The following ADAMTS17 variants were observed in gnomAD, a reference collection of about 807,000 sequenced individuals.
ADAMTS17 encodes the protein A disintegrin and metalloproteinase with thrombospondin motifs 17.
A neutral mutation model predicts 141.5 loss-of-function variants in ADAMTS17; 113 were observed. The ratio of observed to expected loss-of-function variants is 0.80; its 90% confidence interval spans 0.69 to 0.93. The LOEUF (loss-of-function observed/expected upper bound fraction) is 0.93. Ranked by LOEUF, ADAMTS17 falls within the 40% of genes least tolerant of loss-of-function variation. The pLI, the probability that ADAMTS17 is intolerant of heterozygous loss-of-function variation, is 0.00. For synonymous variants in ADAMTS17, 768 were observed against 630.6 expected, an observed-to-expected ratio of 1.22 and a Z score of -3.27; for missense variants, 1,659 against 1,517.9, an observed-to-expected ratio of 1.09 and a Z score of -1.54.
Position 100,341,802 on chromosome 15 carries a change from C to CTG in ADAMTS17, c.79+17_79+18dup. On this transcript the variant is annotated intron_variant, in intron 1 of 21. Coordinates refer to ENST00000268070, the MANE Select transcript of ADAMTS17 (RefSeq NM_139057.4). ...GCCGCAGGACGCGGGGTGAAGAGGGCTGTGGGAGGGGGCGCTACCTGTGCC... is the reference window on the plus strand; with the variant it reads ...GCCGCAGGACGCGGGGTGAAGAGGGCTGTGTGGGAGGGGGCGCTACCTGTGCC... 6.5e-7 allele frequency: 1 copy of CTG among 1,549,646 alleles called. No individual in the cohort carries two copies. Among genetic ancestry groups the CTG allele is most frequent in the Non-Finnish European group, 8.7e-7 (1 of 1,146,416 alleles).
intron 18 of ADAMTS17, among the ~76,000 whole-genome samples, chr15:100,040,694 A>C (rs1046594568): frequency 4.0e-5 from 6 of 151,684 alleles, no homozygotes; most frequent in Admixed American, 2.0e-4. Context: ...AAAAAAAAAA[A>C]CCTCTGAAAA....
intron 15 of ADAMTS17, among the ~76,000 whole-genome samples, chr15:100,092,962 A>G (rs539423333): frequency 6.6e-6 from 1 of 152,332 alleles, no homozygotes; most frequent in East Asian, 1.9e-4. Flanking sequence ...TAATGAAATG[A>G]AAGCATCATA....
chr15:100,168,659 G>T (rs957710964), intron 8 of ADAMTS17: 7 of 152,218 alleles, frequency 4.6e-5, no homozygotes, highest in African/African-American at 1.7e-4. Context: ...CAGTTTTAGG[G>T]AAGTCTACAG....
At chr15:99,982,520 C>A (rs1465416409) in intron 20 of ADAMTS17, among the ~76,000 whole-genome samples, 1 of 152,190 alleles carries the variant, frequency 6.6e-6, no homozygotes, top group Non-Finnish European at 1.5e-5. Flanking sequence ...GGGTGAATTC[C>A]TTCTCTGTCG....
At chr15:100,176,145 C>A (rs1182524795) in intron 8 of ADAMTS17, among the ~76,000 whole-genome samples, 1 of 152,152 alleles carries the variant, frequency 6.6e-6, no homozygotes, top group Non-Finnish European at 1.5e-5. Context: ...AACCACTCTC[C>A]AATGGGAAAG....
chr15:100,072,451 C>G (rs992760693), intron 15 of ADAMTS17, among the ~76,000 whole-genome samples: 1 of 151,004 alleles, frequency 6.6e-6, no homozygotes, highest in African/African-American at 2.4e-5. Context: ...ATTGCCAAGT[C>G]AATCCTAAGC....
intron 7 of ADAMTS17, among the ~76,000 whole-genome samples, chr15:100,210,525 A>AT (rs2041766413): frequency 6.6e-6 from 1 of 152,180 alleles, no homozygotes. Flanking sequence ...ATTCAATCTC[A>AT]GGTCTTCAGG....
At chr15:100,151,430 G>A (rs539526302) in intron 10 of ADAMTS17, among the ~76,000 whole-genome samples, 1 of 152,302 alleles carries the variant, frequency 6.6e-6, no homozygotes, top group African/African-American at 2.4e-5. Context: ...TCTGTCTCCA[G>A]GAGTCTGGGC....
At chr15:100,310,009 A>T (rs961837795) in intron 3 of ADAMTS17, among the ~76,000 whole-genome samples, 1 of 152,234 alleles carries the variant, frequency 6.6e-6, no homozygotes, top group Non-Finnish European at 1.5e-5. Flanking sequence ...CGAGGGATGC[A>T]CAGATGCTCT....
chr15:100,169,165 C>T (rs976127929), intron 8 of ADAMTS17, among the ~76,000 whole-genome samples: 5 of 152,202 alleles, frequency 3.3e-5, no homozygotes, highest in Non-Finnish European at 7.3e-5. Context: ...TTCAGAGAAC[C>T]TGAACAGATA....
At chr15:100,258,829 A>G (rs1009028747) in intron 6 of ADAMTS17, among the ~76,000 whole-genome samples, 13 of 151,874 alleles carry the variant, frequency 8.6e-5, no homozygotes, top group African/African-American at 3.1e-4. Context: ...TGAAAAATGA[A>G]AAGAAAGTCT....
intron 3 of ADAMTS17, among the ~76,000 whole-genome samples, chr15:100,284,084 G>C (rs745771113): frequency 2.0e-5 from 3 of 151,606 alleles, no homozygotes; most frequent in African/African-American, 7.3e-5. Context: ...CAGCCTGGGC[G>C]ACAGAGCAAG....
rs542262919 is a variant in ADAMTS17 at position 100,107,228 on chromosome 15, T to C, written c.2016+1761A>G. Among the ~76,000 whole-genome samples the C allele has an allele frequency of 1.4e-4, 22 of 152,276 alleles. No homozygotes were observed. In the South Asian group the frequency reaches 4.4e-3, roughly 30 times the overall value. ...TCTGTTTGTCACGCACACTGAAATG[T>C]TGATGCCTATGCACTCTGCTAGGCA... On this transcript the variant is annotated intron_variant, in intron 14 of 21. Transcript: ENST00000268070.
intron 7 of ADAMTS17, among the ~76,000 whole-genome samples, chr15:100,238,766 T>C (rs1452527249): frequency 6.6e-6 from 1 of 152,106 alleles, no homozygotes; most frequent in East Asian, 1.9e-4. Flanking sequence ...ACAGGAATAA[T>C]GACGCCTCAC....
At position 100,281,288 on chromosome 15, in the gene ADAMTS17, TGTCGGC is replaced by T; in HGVS notation, c.724_729del (p.Ala242_Asp243del). On this transcript the variant is annotated inframe_deletion, in exon 4 of 22. Coordinates refer to ENST00000268070, the MANE Select transcript of ADAMTS17 (RefSeq NM_139057.4). ...GCCTCGGCCCCGTGGTACTGCACCA[TGTCGGC>T]GTCGGCCACCACCAGGGTCTCCACC... The T allele has an allele frequency of 6.2e-7, 1 of 1,608,842 alleles. No individual in the cohort carries two copies. Among genetic ancestry groups the T allele is most frequent in the Non-Finnish European group, 8.5e-7 (1 of 1,180,000 alleles).
intron 15 of ADAMTS17, among the ~76,000 whole-genome samples, chr15:100,096,038 T>G (rs989234317): frequency 6.6e-6 from 1 of 152,194 alleles, no homozygotes; most frequent in Non-Finnish European, 1.5e-5. Flanking sequence ...TCCCACCTTC[T>G]CTGCCTGTGC....
At chr15:100,222,082 C>G (rs2042151544) in intron 7 of ADAMTS17, among the ~76,000 whole-genome samples, 1 of 152,230 alleles carries the variant, frequency 6.6e-6, no homozygotes, top group South Asian at 2.1e-4. Context: ...TCATGGCAGT[C>G]TGATCTCACC....
chr15:100,119,036 C>T lies in ADAMTS17; in HGVS notation c.1722-2023G>A, dbSNP rs111325498. On this transcript the variant is annotated intron_variant, in intron 12 of 21. Coordinates refer to ENST00000268070, the MANE Select transcript of ADAMTS17 (RefSeq NM_139057.4). ...AAGTGTCCTTATGAAAAGGGGACAT[C>T]TGGAGATACACACACACACACACAC... is the stretch of plus-strand genomic sequence containing the variant. Among the ~76,000 whole-genome samples the T allele has an allele frequency of 3.7e-3, 429 of 114,756 alleles. 2 individuals are homozygous for T. Among genetic ancestry groups the T allele is most frequent in the African/African-American group, 0.011 (403 of 37,206 alleles). The allele number at this position is 114,756 out of a possible 152,430, so 75.3% of individuals were successfully genotyped here. A position where few individuals can be genotyped will look rare whatever the true frequency, so the allele number is the denominator to read the frequency against.
At chr15:100,309,309 T>C (rs1211162966) in intron 3 of ADAMTS17, among the ~76,000 whole-genome samples, 1 of 152,168 alleles carries the variant, frequency 6.6e-6, no homozygotes. Flanking sequence ...CAGTGAGCTG[T>C]GATTGTGCCA....
Sources: allele counts gnomAD v4.1 joint callset (sites outside exome capture counted in the v4.1 genomes callset), GRCh38; gene constraint gnomAD v4.1.1; transcripts MANE v1.5; gene names NCBI Gene and HGNC (gene_info 2026-07-23, HGNC 2026-07-21).